Variants in TMPRSS12 observed in about 807,000 individuals in gnomAD.
TMPRSS12 encodes transmembrane protease serine 12.
TMPRSS12 carries 25 observed loss-of-function variants against 26.0 expected under a neutral mutation model. The ratio of observed to expected loss-of-function variants is 0.96; its 90% CI spans 0.70 to 1.34. The LOEUF is 1.34. TMPRSS12 is among the 40% of genes most tolerant of loss of function. The pLI is 0.00. For synonymous variants in TMPRSS12, 150 were observed against 161.7 expected (o/e 0.93, Z 0.55); for missense variants, 441 against 440.1 (o/e 1.00, Z -0.02).
chr12:50,885,697 C>T (rs998065401), intron 4 of TMPRSS12: 1 of 575,696 alleles, frequency 1.7e-6, no homozygotes, highest in Admixed American at 3.4e-5. Context: ...GCTTTGTCAC[C>T]CATGCTGGAG....
intron 2 of TMPRSS12, among the ~76,000 whole-genome samples, chr12:50,847,014 AAT>A (rs992662631): frequency 1.3e-4 from 19 of 150,798 alleles, no homozygotes; most frequent in African/African-American, 4.6e-4. Flanking sequence ...CAAAAAAAAA[AAT>A]GTCATTGGGA....
At position 50,854,073 on chromosome 12, in the gene TMPRSS12, T is replaced by G. The variant is rs555652135; in HGVS notation, c.384-4712T>G. Among the ~76,000 whole-genome samples, 4 of 152,200 alleles carry G rather than the reference T, an allele frequency of 2.6e-5. No homozygotes were observed. The East Asian group carries it at 7.7e-4, about 29-fold the overall frequency. On this transcript the variant is annotated intron_variant, in intron 2 of 4. Coordinates refer to ENST00000398458, the MANE Select transcript of TMPRSS12 (RefSeq NM_182559.3). ...CTCATAAACACAGATGCAGAAATAC[T>G]CAACAAAATACTGGCAAACTGAATC...
At chr12:50,878,499 G>A (rs557628863) in intron 3 of TMPRSS12, among the ~76,000 whole-genome samples, 2 of 152,260 alleles carry the variant, frequency 1.3e-5, no homozygotes, top group Admixed American at 1.3e-4. Context: ...GGTCACTTGA[G>A]CTCAAGAGTT....
At chr12:50,884,556 T>TA (rs2139739698) in intron 3 of TMPRSS12, among the ~76,000 whole-genome samples, 1 of 152,182 alleles carries the variant, frequency 6.6e-6, no homozygotes, top group Admixed American at 6.6e-5. Context: ...GAAACCCTCG[T>TA]ACTTTGCTAG....
chr12:50,883,472 G>A (rs1013454125), intron 3 of TMPRSS12, among the ~76,000 whole-genome samples: 4 of 152,132 alleles, frequency 2.6e-5, no homozygotes, highest in Non-Finnish European at 5.9e-5. Context: ...AGAATTGCTT[G>A]GGCCCATTCA....
intron 3 of TMPRSS12, among the ~76,000 whole-genome samples, chr12:50,882,652 A>ATAACCCAAACTGAAATT: frequency 2.6e-5 from 4 of 152,292 alleles, no homozygotes; most frequent in African/African-American, 9.6e-5. Flanking sequence ...ATTCCTTTGT[A>ATAACCCAAACTGAAATT]AATAACCCAA....
chr12:50,875,925 C>T lies in TMPRSS12; in HGVS notation c.653-9321C>T, dbSNP rs185233750. On this transcript the variant is annotated intron_variant, in intron 3 of 4. Coordinates refer to ENST00000398458, the MANE Select transcript of TMPRSS12 (RefSeq NM_182559.3). ...AGTGGGAACTAATTAAACTGAAAAACCTCTGCACAGCAAAAGAAACTATCA... is the reference window on the plus strand; with the variant it reads ...AGTGGGAACTAATTAAACTGAAAAATCTCTGCACAGCAAAAGAAACTATCA... Among the ~76,000 whole-genome samples, 14 of 152,220 alleles carry T rather than the reference C, an allele frequency of 9.2e-5. No homozygotes were observed. In the East Asian group the frequency reaches 2.5e-3, roughly 27 times the overall value.
At chr12:50,877,968 A>G (rs1391653331) in intron 3 of TMPRSS12, among the ~76,000 whole-genome samples, 1 of 152,194 alleles carries the variant, frequency 6.6e-6, no homozygotes, top group Non-Finnish European at 1.5e-5. Flanking sequence ...GATGTGTAAG[A>G]CTTGTACACT....
chr12:50,859,665 C>T (rs1937916830), intron 3 of TMPRSS12, among the ~76,000 whole-genome samples: 1 of 152,168 alleles, frequency 6.6e-6, no homozygotes, highest in Non-Finnish European at 1.5e-5. Context: ...GCCTACTGTA[C>T]CTTTTCTGTG....
At chr12:50,881,980 AAAAAAAAAAAAAAAAAAAATATATAT>A (rs1938172348) in intron 3 of TMPRSS12, among the ~76,000 whole-genome samples, 1 of 57,136 alleles carries the variant, frequency 1.8e-5, no homozygotes, top group Non-Finnish European at 2.9e-5. Flanking sequence ...AAAAAAAAAA[AAAAAAAAAAAAAAAAAAAATATATAT>A]ATATATATAT....
At chr12:50,872,659 G>GTATATGTACATATATATGACA (rs1938063028) in intron 3 of TMPRSS12, among the ~76,000 whole-genome samples, 1 of 69,916 alleles carries the variant, frequency 1.4e-5, no homozygotes, top group East Asian at 5.8e-4. Context: ...CATATATGAC[G>GTATATGTACATATATATGACA]TATATGTACA....
At chr12:50,875,542 C>A (rs1360877776) in intron 3 of TMPRSS12, among the ~76,000 whole-genome samples, 1 of 146,080 alleles carries the variant, frequency 6.8e-6, no homozygotes, top group Admixed American at 6.8e-5. Context: ...GTATTGTTAC[C>A]AAAACAGCAT....
intron 3 of TMPRSS12, among the ~76,000 whole-genome samples, chr12:50,864,256 AATT>A (rs1172239257): frequency 1.1e-4 from 17 of 152,332 alleles, no homozygotes; most frequent in Non-Finnish European, 2.2e-4. Flanking sequence ...ATCAAATGCA[AATT>A]ATTTATATAG....
At chr12:50,852,214 G>T (rs947972515) in intron 2 of TMPRSS12, among the ~76,000 whole-genome samples, 5 of 152,046 alleles carry the variant, frequency 3.3e-5, no homozygotes, top group Non-Finnish European at 5.9e-5. Flanking sequence ...ATGTAAAAAG[G>T]TTAAACACCC....
intron 3 of TMPRSS12, among the ~76,000 whole-genome samples, chr12:50,878,827 A>G (rs12813233): frequency 6.6e-6 from 1 of 152,074 alleles, no homozygotes; most frequent in Non-Finnish European, 1.5e-5. Context: ...GTGTCCATCC[A>G]AAATTCATAT....
chr12:50,847,111 T>A (rs1406852177), intron 2 of TMPRSS12, among the ~76,000 whole-genome samples: 1 of 138,644 alleles, frequency 7.2e-6, no homozygotes, highest in Non-Finnish European at 1.5e-5. Flanking sequence ...CAGGCTGGAG[T>A]GCAGTGGCGC....
chr12:50,881,973 AAAAAAAAAAAAAAAAAAAAAAAAAAAT>A (rs1159611284), intron 3 of TMPRSS12, among the ~76,000 whole-genome samples: 7 of 63,510 alleles, frequency 1.1e-4, no homozygotes, highest in South Asian at 1.3e-3. Context: ...AAAAAAAAAA[AAAAAAAAAAAAAAAAAAAAAAAAAAAT>A]ATATATATAT....
At chr12:50,846,280 A>G (rs1205340163) in intron 2 of TMPRSS12, among the ~76,000 whole-genome samples, 1 of 151,964 alleles carries the variant, frequency 6.6e-6, no homozygotes, top group Middle Eastern at 3.2e-3. Flanking sequence ...TAGCTCTTAG[A>G]TTTAGGTCTT....
chr12:50,863,999 T>C (rs928496315), intron 3 of TMPRSS12, among the ~76,000 whole-genome samples: 3 of 152,194 alleles, frequency 2.0e-5, no homozygotes, highest in African/African-American at 7.2e-5. Flanking sequence ...AAAAAGCTTT[T>C]TAAATGAACC....
Sources: allele counts gnomAD v4.1 joint callset (sites outside exome capture counted in the v4.1 genomes callset), GRCh38; gene constraint gnomAD v4.1.1; transcripts MANE v1.5; gene names NCBI Gene and HGNC (gene_info 2026-07-23, HGNC 2026-07-21).